Variants in BORCS7 observed in about 807,000 individuals in gnomAD.
BORCS7 encodes BLOC-1-related complex subunit 7.
BORCS7 carries 20 observed loss-of-function variants against 17.5 expected under a neutral mutation model. The observed-to-expected ratio is 1.14, with a 90% CI of 0.80 to 1.66. The LOEUF (loss-of-function observed/expected upper bound fraction) is 1.66, where lower values mean the gene tolerates loss of function less well. Among genes scored for constraint, BORCS7 ranks in the 40% most tolerant of loss-of-function variants. The probability of loss-of-function intolerance (pLI) is 0.00; values close to 1 mark genes in which losing one functional copy is unlikely to be tolerated. For synonymous variants in BORCS7, 57 were observed against 49.8 expected (o/e 1.14, Z -0.61); for missense variants, 122 against 129.7 (o/e 0.94, Z 0.29).
Position 102,863,831 on chromosome 10 carries a change from C to T in BORCS7, c.*907C>T, listed in dbSNP as rs1844557105. 1 of 152,178 alleles carries T rather than the reference C, an allele frequency of 6.6e-6. No individual in the cohort carries two copies. The highest frequency in any genetic ancestry group is 1.9e-4 in the East Asian group (1 of 5,204). The allele number at this position is 152,178 out of a possible 1,614,324, so 9.4% of individuals were successfully genotyped here. On this transcript the variant is annotated 3_prime_UTR_variant, in exon 5 of 5. Transcript: ENST00000339834. ...GGCCAGCTGCAGCCTCTTGCCTTGACCTGCATTCCTAGAATTTCTTTGTTG... is the reference window on the plus strand; with the variant it reads ...GGCCAGCTGCAGCCTCTTGCCTTGATCTGCATTCCTAGAATTTCTTTGTTG...
rs559603730 is a variant in BORCS7 at position 102,854,964 on chromosome 10, TATATA to T, written c.141+543_141+547del. ...ACATATATAATATACATATATATTA[TATATA>T]ATATATGTAATATATATTATATATA... On this transcript the variant is annotated intron_variant, in intron 1 of 4. Coordinates refer to ENST00000339834, the MANE Select transcript of BORCS7 (RefSeq NM_001136200.2). 3.9e-4 allele frequency among the ~76,000 whole-genome samples: 57 copies of T among 147,214 alleles called. 1 individual carries two copies. In the South Asian group the frequency reaches 0.011, roughly 28 times the overall value.
In BORCS7 at chr10:102,862,255, A is replaced by T. The variant is rs1844534524; in HGVS notation, c.269+75A>T. On this transcript the variant is annotated intron_variant, in intron 4 of 4. Coordinates refer to ENST00000339834, the MANE Select transcript of BORCS7 (RefSeq NM_001136200.2). ...GGGGGATTTATACTGCTGGGTCCAG[A>T]ATCAATACAAAACCCTGGTTGACAC... 4 of 1,419,218 alleles carry T rather than the reference A, an allele frequency of 2.8e-6. No homozygotes were observed. The East Asian group carries it at 9.1e-5, about 32-fold the overall frequency. The allele number at this position is 1,419,218 out of a possible 1,614,324, so 87.9% of individuals were successfully genotyped here.
At chr10:102,858,767 G>A (rs7096249) in intron 1 of BORCS7, among the ~76,000 whole-genome samples, 57,299 of 151,952 alleles carry the variant, frequency 0.38, 11,067 homozygotes, top group East Asian at 0.57. Flanking sequence ...ACATCCAGAA[G>A]GGGTTACTAA....
At chr10:102,862,096 C>T in intron 3 of BORCS7, 64 bp from the exon 4 acceptor site, 1 of 1,466,614 alleles carries the variant, frequency 6.8e-7, no homozygotes, top group Non-Finnish European at 9.5e-7. Flanking sequence ...TATGTATTAT[C>T]TGGTCATAAA....
intron 1 of BORCS7, 61 bp from the exon 2 acceptor site, chr10:102,860,271 G>C: frequency 6.9e-7 from 1 of 1,449,352 alleles, no homozygotes; most frequent in Non-Finnish European, 9.6e-7. Context: ...AACAGCTGCA[G>C]AGAGAAGATT....
chr10:102,857,280 C>T (rs1844442572), intron 1 of BORCS7, among the ~76,000 whole-genome samples: 1 of 152,182 alleles, frequency 6.6e-6, no homozygotes. Flanking sequence ...GCCCCGTTAT[C>T]ACTCTTAACC....
intron 4 of BORCS7, 64 bp downstream of exon 4, chr10:102,862,244 G>C: frequency 6.7e-7 from 1 of 1,493,706 alleles, no homozygotes; most frequent in Non-Finnish European, 9.3e-7. Context: ...GATTTATACT[G>C]CTGGGTCCAG....
intron 3 of BORCS7, among the ~76,000 whole-genome samples, 186 bp from the exon 4 acceptor site, chr10:102,861,974 C>T (rs976615563): frequency 2.6e-5 from 4 of 152,102 alleles, no homozygotes; most frequent in Non-Finnish European, 5.9e-5. Flanking sequence ...GTTTAGATTC[C>T]ATCTTTTCAG....
chr10:102,862,280 C>T, intron 4 of BORCS7, 100 bp downstream of exon 4: 2 of 1,137,158 alleles, frequency 1.8e-6, no homozygotes, highest in South Asian at 1.4e-5. Flanking sequence ...CTGGTTGACA[C>T]CTGCCCTCAA....
rs1844400535 is a variant in BORCS7, at chr10:102,854,940, C to T, written c.141+513C>T. Among the ~76,000 whole-genome samples the T allele has an allele frequency of 2.1e-5, 3 of 145,172 alleles. No individual in the cohort carries two copies. The South Asian group carries it at 6.4e-4, about 31-fold the overall frequency. On this transcript the variant is annotated intron_variant, in intron 1 of 4. Transcript: ENST00000339834. ...ATATATAATGTGTATGTATATATTA[C>T]ATATATAATATACATATATATTATA...
chr10:102,860,129 A>G (rs922026695), intron 1 of BORCS7, among the ~76,000 whole-genome samples: 1 of 152,222 alleles, frequency 6.6e-6, no homozygotes, highest in Non-Finnish European at 1.5e-5. Context: ...TGTCGGGTCC[A>G]TGCCAGAACT....
intron 1 of BORCS7, 128 bp downstream of exon 1, chr10:102,854,555 C>T (rs1053596316): frequency 2.5e-6 from 3 of 1,178,938 alleles, no homozygotes; most frequent in Admixed American, 5.7e-5. Context: ...AGTAGGTCTT[C>T]TTCGCGGAGG....
chr10:102,863,118 G>A lies in BORCS7; in HGVS notation c.*194G>A, dbSNP rs1490802949. ...TGGGAGGCCGAGGCGGGTGGATCAC[G>A]AGGTCAGGAGTTCGAGACCAGCCTG... is the stretch of plus-strand genomic sequence containing the variant. On this transcript the variant is annotated 3_prime_UTR_variant, in exon 5 of 5. Coordinates refer to ENST00000339834, the MANE Select transcript of BORCS7 (RefSeq NM_001136200.2). The A allele has an allele frequency of 2.1e-5, 10 of 476,970 alleles. No individual in the cohort carries two copies. Among genetic ancestry groups the A allele is most frequent in the Non-Finnish European group, 1.1e-5 (3 of 263,664 alleles). 29.5% of individuals were successfully genotyped at this position (476,970 alleles called of 1,614,324 possible). A position where few individuals can be genotyped will look rare whatever the true frequency, so the allele number is the denominator to read the frequency against.
chr10:102,854,890 TATATA>T (rs1168130793), intron 1 of BORCS7, among the ~76,000 whole-genome samples: 1 of 147,696 alleles, frequency 6.8e-6, no homozygotes, highest in Non-Finnish European at 1.5e-5. Context: ...TATTACGTAT[TATATA>T]ATATATATAC....
chr10:102,863,551 T>C lies in BORCS7; in HGVS notation c.*627T>C, dbSNP rs1844553382. ...AACTTTTAATATGTCAAAAGCTATA[T>C]TGTCTAAATTTCAGTACTTAAGCAA... On this transcript the variant is annotated 3_prime_UTR_variant, in exon 5 of 5. Transcript: ENST00000339834. 6.6e-6 allele frequency: 1 copy of C among 152,208 alleles called. No homozygotes were observed. Among genetic ancestry groups the C allele is most frequent in the Non-Finnish European group, 1.5e-5 (1 of 68,038 alleles). The allele number at this position is 152,208 out of a possible 1,614,324, so 9.4% of individuals were successfully genotyped here.
intron 1 of BORCS7, 70 bp downstream of exon 1, chr10:102,854,497 A>T: frequency 6.7e-7 from 1 of 1,482,244 alleles, no homozygotes. Context: ...TGTGGGAAGG[A>T]GGTCGCGTTG....
At position 102,862,161 on chromosome 10, in the gene BORCS7, CAAG is replaced by C. The variant is rs2134101049; in HGVS notation, c.254_256del (p.Glu85del). On this transcript the variant is annotated inframe_deletion and splice_region_variant, in exon 4 of 5. Coordinates refer to ENST00000339834, the MANE Select transcript of BORCS7 (RefSeq NM_001136200.2). ...TTCCTCTTTCCTTTTCTGATTTAGG[CAAG>C]AAGCTATTCAGAAGAAGTAAGTAAC... 6.2e-7 allele frequency: 1 copy of C among 1,608,174 alleles called. No individual in the cohort carries two copies. The highest frequency in any genetic ancestry group is 2.2e-5 in the East Asian group (1 of 44,814).
intron 1 of BORCS7, among the ~76,000 whole-genome samples, chr10:102,857,146 C>T (rs772834012): frequency 2.0e-5 from 3 of 152,150 alleles, no homozygotes; most frequent in Non-Finnish European, 2.9e-5. Context: ...ACACCTACCC[C>T]TGTAATCAGT....
At chr10:102,862,214 C>G in intron 4 of BORCS7, 34 bp downstream of exon 4, 1 of 1,591,248 alleles carries the variant, frequency 6.3e-7, no homozygotes, top group Non-Finnish European at 8.6e-7. Context: ...AGTAGGGAAC[C>G]AACTGAAGCA....
Sources: allele counts gnomAD v4.1 joint callset (sites outside exome capture counted in the v4.1 genomes callset), GRCh38; gene constraint gnomAD v4.1.1; transcripts MANE v1.5; gene names NCBI Gene and HGNC (gene_info 2026-07-23, HGNC 2026-07-21).